The following BRAF variants were observed in gnomAD, a reference collection of about 807,000 sequenced individuals.
BRAF encodes the protein serine/threonine-protein kinase B-raf.
In BRAF, 16 loss-of-function variants were observed where a neutral mutation model predicts 104.6. The ratio of observed to expected loss-of-function variants is 0.15; its 90% CI spans 0.10 to 0.23. The LOEUF (loss-of-function observed/expected upper bound fraction) is 0.23, where lower values mean the gene tolerates loss of function less well. Ranked by LOEUF, BRAF falls within the 10% of genes least tolerant of loss-of-function variation. The probability of loss-of-function intolerance (pLI) is 1.00; values close to 1 mark genes in which losing one functional copy is unlikely to be tolerated. For missense variants in BRAF, 541 were observed against 937.3 expected (o/e 0.58, Z 5.52); for synonymous variants, 310 against 341.6 (o/e 0.91, Z 1.02).
Position 140,723,848 on chromosome 7 carries a change from C to T in BRAF, c.*2646G>A. On this transcript the variant is annotated 3_prime_UTR_variant, in exon 20 of 20. Transcript: ENST00000644969. ...AAGTGCTTTTCACAAATAAGGACTT[C>T]TTCCTCGTTTTTTTAGGAGCTCAGT... 1.9e-6 allele frequency: 2 copies of T among 1,046,200 alleles called. No homozygotes were observed. Among genetic ancestry groups the T allele is most frequent in the Non-Finnish European group, 2.3e-6 (2 of 867,276 alleles). The allele number at this position is 1,046,200 out of a possible 1,614,324, so 64.8% of individuals were successfully genotyped here. A position where few individuals can be genotyped will look rare whatever the true frequency, so the allele number is the denominator to read the frequency against.
intron 1 of BRAF, among the ~76,000 whole-genome samples, chr7:140,904,754 A>T (rs6957578): frequency 6.6e-6 from 1 of 151,798 alleles, no homozygotes; most frequent in Admixed American, 6.6e-5. Flanking sequence ...GACTACAGGC[A>T]TGCACCACCA....
chr7:140,829,745 C>T (rs927726590), intron 3 of BRAF, among the ~76,000 whole-genome samples: 5 of 152,168 alleles, frequency 3.3e-5, no homozygotes, highest in African/African-American at 1.2e-4. Flanking sequence ...TCTCTTTCAA[C>T]TTTCGAATTA....
intron 14 of BRAF, chr7:140,758,358 T>C (rs1798375475): frequency 6.6e-6 from 1 of 152,222 alleles, no homozygotes; most frequent in African/African-American, 2.4e-5. Context: ...TTTATCACTT[T>C]AAAAATAATT....
At chr7:140,886,640 T>A (rs757032330) in intron 1 of BRAF, among the ~76,000 whole-genome samples, 1 of 152,218 alleles carries the variant, frequency 6.6e-6, no homozygotes, top group African/African-American at 2.4e-5. Context: ...ATAGTTTAAA[T>A]CTCACTTTCT....
At chr7:140,868,035 AGTTT>A (rs1811171122) in intron 1 of BRAF, among the ~76,000 whole-genome samples, 1 of 152,222 alleles carries the variant, frequency 6.6e-6, no homozygotes, top group African/African-American at 2.4e-5. Context: ...TGCCTGGACT[AGTTT>A]ACTAGAACCA....
Position 140,803,866 on chromosome 7 carries a change from C to T in BRAF, c.712-2306G>A, listed in dbSNP as rs575667477. Among the ~76,000 whole-genome samples, 53 of 152,062 alleles carry T rather than the reference C, an allele frequency of 3.5e-4. 1 individual carries two copies. Among genetic ancestry groups the T allele is most frequent in the African/African-American group, 1.2e-3 (49 of 41,506 alleles). ...TTCAGAGTGGCGAGAGCATGGGTGA[C>T]TTCTATTTCATTATTTGTTCTTTGC... On this transcript the variant is annotated intron_variant, in intron 5 of 19. Transcript: ENST00000644969.
At chr7:140,808,488 G>T (rs71645950) in intron 4 of BRAF, 13 of 339,824 alleles carry the variant, frequency 3.8e-5, no homozygotes, top group Admixed American at 1.3e-4. Flanking sequence ...AAAATGTGAG[G>T]GTCTTGGAAC....
chr7:140,794,377 A>G lies in BRAF; in HGVS notation c.1071T>C (p.Phe357=). Residue 357 remains phenylalanine, a synonymous_variant, in exon 8 of 20, where the codon TTT becomes TTC. Coordinates refer to ENST00000644969, the MANE Select transcript of BRAF (RefSeq NM_001374258.1). ...CTGATGAGGATCGGTCTCGTTGCCC[A>G]AATTGATTTCGATGATCTTCATCTG... ...RPADEDHRNQ[F]GQRDRSSSAP... 6 of 1,614,092 alleles carry G rather than the reference A, an allele frequency of 3.7e-6. No homozygotes were observed. Among genetic ancestry groups the G allele is most frequent in the Non-Finnish European group, 5.1e-6 (6 of 1,180,014 alleles).
intron 14 of BRAF, 100 bp downstream of exon 13, chr7:140,776,811 TA>T (rs1411745230): frequency 3.1e-5 from 36 of 1,151,036 alleles, no homozygotes; most frequent in Non-Finnish European, 2.6e-6. Flanking sequence ...TCCTGGACAG[TA>T]ATTTAAAATG....
chr7:140,776,705 C>G (rs1036258216), intron 14 of BRAF, among the ~76,000 whole-genome samples: 1 of 152,126 alleles, frequency 6.6e-6, no homozygotes, highest in Non-Finnish European at 1.5e-5. Flanking sequence ...TATTTATTAT[C>G]AAATACTTGA....
At chr7:140,862,804 T>C (rs1348895006) in intron 1 of BRAF, among the ~76,000 whole-genome samples, 1 of 152,184 alleles carries the variant, frequency 6.6e-6, no homozygotes, top group Non-Finnish European at 1.5e-5. Flanking sequence ...ACTGCGGTGA[T>C]GGCTATACAA....
At chr7:140,803,502 G>C (rs956321210) in intron 5 of BRAF, among the ~76,000 whole-genome samples, 1 of 152,068 alleles carries the variant, frequency 6.6e-6, no homozygotes, top group African/African-American at 2.4e-5. Context: ...TATGAAAATT[G>C]AAACAGCTCT....
In BRAF at chr7:140,723,341, T is replaced by C. The variant is rs1303416522; in HGVS notation, c.*3153A>G. 1.9e-6 allele frequency: 2 copies of C among 1,055,324 alleles called. No homozygotes were observed. The highest frequency in any genetic ancestry group is 2.3e-6 in the Non-Finnish European group (2 of 873,198). 65.4% of individuals were successfully genotyped at this position (1,055,324 alleles called of 1,614,324 possible). On this transcript the variant is annotated 3_prime_UTR_variant, in exon 20 of 20. Transcript: ENST00000644969. ...TGCAGTCTTGAATTATTTCTTTATA[T>C]ACTGCTCTTTCTTCTCCAACACCAA...
intron 19 of BRAF, chr7:140,734,341 A>G: frequency 1.5e-6 from 2 of 1,318,896 alleles, no homozygotes; most frequent in Non-Finnish European, 1.9e-6. Context: ...CCCGGAACAG[A>G]AAGTAAAGCC....
chr7:140,855,148 G>T (rs1809635671), intron 1 of BRAF, among the ~76,000 whole-genome samples: 1 of 151,942 alleles, frequency 6.6e-6, no homozygotes, highest in African/African-American at 2.4e-5. Flanking sequence ...AAGAGTCAGA[G>T]AAAGAACTTT....
intron 18 of BRAF, among the ~76,000 whole-genome samples, chr7:140,739,393 A>G (rs1340048045): frequency 6.6e-6 from 1 of 152,084 alleles, no homozygotes; most frequent in Non-Finnish European, 1.5e-5. Flanking sequence ...TCTCTTAGAT[A>G]ATAGAACTGT....
At chr7:140,746,033 A>C (rs1289651852) in intron 17 of BRAF, among the ~76,000 whole-genome samples, 1 of 152,136 alleles carries the variant, frequency 6.6e-6, no homozygotes, top group African/African-American at 2.4e-5. Flanking sequence ...AGATCCTTTT[A>C]ACACCCCGTA....
intron 19 of BRAF, chr7:140,733,837 T>C: frequency 3.6e-6 from 1 of 276,468 alleles, no homozygotes; most frequent in South Asian, 1.4e-4. Flanking sequence ...GCAATGCGTT[T>C]GCAACAAAAT....
At chr7:140,797,679 G>A (rs1262256809) in intron 7 of BRAF, among the ~76,000 whole-genome samples, 4 of 152,162 alleles carry the variant, frequency 2.6e-5, no homozygotes, top group African/African-American at 9.7e-5. Context: ...TCACTGGAAG[G>A]CAAATGTCCT....
Sources: gnomAD v4.1 joint callset for allele counts (sites outside exome capture counted in the v4.1 genomes callset) on GRCh38, gnomAD v4.1.1 for gene constraint, MANE v1.5 for transcripts, NCBI Gene and HGNC (gene_info 2026-07-23, HGNC 2026-07-21) for gene names.